The following LPL variants were observed in gnomAD, a reference collection of about 807,000 sequenced individuals.
LPL encodes phospholipase A1.
In LPL, 43 loss-of-function variants were observed where a neutral mutation model predicts 52.2. The observed-to-expected ratio is 0.82, with a 90% CI of 0.64 to 1.06. The LOEUF (loss-of-function observed/expected upper bound fraction) is 1.06. Among genes scored for constraint, LPL ranks in the 50% least tolerant of loss-of-function variants. The pLI is 0.00. For missense variants in LPL, 639 were observed against 585.3 expected, an observed-to-expected ratio of 1.09 and a Z score of -0.95; for synonymous variants, 244 against 215.6, an observed-to-expected ratio of 1.13 and a Z score of -1.15.
intron 7 of LPL, among the ~76,000 whole-genome samples, 176 bp from the exon 8 acceptor site, chr8:19,960,725 T>G (rs1019998357): frequency 6.6e-6 from 1 of 152,252 alleles, no homozygotes; most frequent in Non-Finnish European, 1.5e-5. Flanking sequence ...GGATATAATT[T>G]AAAATATACT....
In LPL at chr8:19,955,823, T is replaced by G. The variant is rs1433705302; in HGVS notation, c.776-18T>G. 6.2e-7 allele frequency: 1 copy of G among 1,613,994 alleles called. No individual in the cohort carries two copies. Among genetic ancestry groups the G allele is most frequent in the Non-Finnish European group, 8.5e-7 (1 of 1,180,016 alleles). On this transcript the variant is annotated intron_variant, in intron 5 of 9. Transcript: ENST00000650287. ...AATTTCTGCCGAGATACAATCTTGG[T>G]GTCTCTTTTTTACCCAGATGTGGAC...
chr8:19,959,460 G>C, intron 7 of LPL, 80 bp downstream of exon 7: 3 of 1,535,174 alleles, frequency 2.0e-6, no homozygotes, highest in African/African-American at 1.4e-5. Flanking sequence ...CAGAAGCAGA[G>C]AGCGATGCCT....
rs2069870772 is a variant in LPL at position 19,944,994 on chromosome 8, C to T, written c.89-3186C>T. Among the ~76,000 whole-genome samples the T allele has an allele frequency of 6.6e-6, 1 of 152,006 alleles. No individual in the cohort carries two copies. The highest frequency in any genetic ancestry group is 1.9e-4 in the East Asian group (1 of 5,176). ...TCCCCTTCCCCTTCTTCCTTCCTTC[C>T]TTCCTTCCCTCCATCCCTCCCTCCT... On this transcript the variant is annotated intron_variant, in intron 1 of 9. Transcript: ENST00000650287. This position sits in a 1 kb window ranked among gnomAD's most constrained non-coding sequence, Gnocchi z 4.2.
intron 5 of LPL, among the ~76,000 whole-genome samples, chr8:19,954,689 C>G (rs1417985853): frequency 3.3e-5 from 5 of 152,148 alleles, no homozygotes; most frequent in African/African-American, 1.2e-4. Context: ...AATGTAGCTG[C>G]AAAGCCAATG....
Position 19,954,105 on chromosome 8 carries a change from T to C in LPL, c.542-15T>C. 2.5e-6 allele frequency: 4 copies of C among 1,593,954 alleles called. No individual in the cohort carries two copies. Among genetic ancestry groups the C allele is most frequent in the Non-Finnish European group, 3.4e-6 (4 of 1,161,542 alleles). ...AAATTTACAAATCTGTGTTCCTGCTTTTTTCCCTTTTAAGGCCTCGATCCA... is the reference window on the plus strand; with the variant it reads ...AAATTTACAAATCTGTGTTCCTGCTCTTTTCCCTTTTAAGGCCTCGATCCA... On this transcript the variant is annotated splice_polypyrimidine_tract_variant and intron_variant, in intron 4 of 9. Coordinates refer to ENST00000650287, the MANE Select transcript of LPL (RefSeq NM_000237.3).
rs751202057 is a variant in LPL at position 19,959,254 on chromosome 8, C to T, written c.1019-6C>T. On this transcript the variant is annotated splice_polypyrimidine_tract_variant and splice_region_variant and intron_variant, in intron 6 of 9. Transcript: ENST00000650287. ...GATCAACATGTTCGAATTTCCTCCC[C>T]AACAGTCTTCCATTACCAAGTAAAG... 5 of 1,613,982 alleles carry T rather than the reference C, an allele frequency of 3.1e-6. No homozygotes were observed. Among genetic ancestry groups the T allele is most frequent in the African/African-American group, 2.7e-5 (2 of 74,910 alleles).
intron 1 of LPL, among the ~76,000 whole-genome samples, chr8:19,946,372 T>C (rs1015009349): frequency 3.9e-5 from 6 of 152,096 alleles, no homozygotes; most frequent in Admixed American, 1.3e-4. Context: ...GATCAACTCA[T>C]TGCATATTTC....
rs1475771980 is a variant in LPL at position 19,950,920 on chromosome 8, A to G, written c.250-849A>G. On this transcript the variant is annotated intron_variant, in intron 2 of 9. Transcript: ENST00000650287. The surrounding 1 kb of genome is among the most constrained non-coding windows in gnomAD (Gnocchi z 4.2). The stretch of plus-strand genomic sequence containing the variant: ...AATGAAGGAAGGAAGGAAGGAATGA[A>G]GGAAGGAAGGAAGGGAGGGAGGAAG... Among the ~76,000 whole-genome samples the G allele has an allele frequency of 7.2e-6, 1 of 139,776 alleles. No individual in the cohort carries two copies. The highest frequency in any genetic ancestry group is 7.1e-5 in the Admixed American group (1 of 14,106). 91.7% of individuals were successfully genotyped at this position (139,776 alleles called of 152,430 possible). A position where few individuals can be genotyped will look rare whatever the true frequency, so the allele number is the denominator to read the frequency against.
intron 8 of LPL, 86 bp from the exon 9 acceptor site, chr8:19,962,029 T>A (rs1019470596): frequency 1.1e-6 from 1 of 902,858 alleles, no homozygotes; most frequent in Non-Finnish European, 1.9e-6. Flanking sequence ...CATGTATTAT[T>A]TAAACAGTCC....
chr8:19,939,669 A>C lies in LPL; in HGVS notation c.88+141A>C. 1 of 852,794 alleles carries C rather than the reference A, an allele frequency of 1.2e-6. No individual in the cohort carries two copies. The highest frequency in any genetic ancestry group is 1.7e-5 in the South Asian group (1 of 60,566). The allele number at this position is 852,794 out of a possible 1,614,324, so 52.8% of individuals were successfully genotyped here. ...CTCCCAGCCTGGGCTCTAGCCCCGAAACGGTCCCCGGAGTGGGATCCAGGA... is the reference window on the plus strand; with the variant it reads ...CTCCCAGCCTGGGCTCTAGCCCCGACACGGTCCCCGGAGTGGGATCCAGGA... On this transcript the variant is annotated intron_variant, in intron 1 of 9. Coordinates refer to ENST00000650287, the MANE Select transcript of LPL (RefSeq NM_000237.3). This position sits in a 1 kb window ranked among gnomAD's most constrained non-coding sequence, Gnocchi z 4.0.
chr8:19,947,841 G>C (rs187972748), intron 1 of LPL, among the ~76,000 whole-genome samples: 1 of 152,206 alleles, frequency 6.6e-6, no homozygotes, highest in Non-Finnish European at 1.5e-5. Flanking sequence ...CTTGAGAGAA[G>C]ACAGAATTAA....
At chr8:19,942,077 GTGAT>G (rs2069845984) in intron 1 of LPL, among the ~76,000 whole-genome samples, 1 of 152,118 alleles carries the variant, frequency 6.6e-6, no homozygotes, top group African/African-American at 2.4e-5. Flanking sequence ...CAGCGAGGGA[GTGAT>G]TGATTAATAG....
chr8:19,955,333 C>T (rs2069974546), intron 5 of LPL, among the ~76,000 whole-genome samples: 1 of 152,158 alleles, frequency 6.6e-6, no homozygotes, highest in African/African-American at 2.4e-5. Flanking sequence ...TACAATTGGG[C>T]TGTAACACCA....
At chr8:19,940,064 C>T (rs903546452) in intron 1 of LPL, among the ~76,000 whole-genome samples, 3 of 152,178 alleles carry the variant, frequency 2.0e-5, no homozygotes, top group East Asian at 1.9e-4. Context: ...CTCAGCCGCA[C>T]GGGGTACGCT....
At chr8:19,962,250 A>G in intron 9 of LPL, 31 bp downstream of exon 9, 1 of 1,562,456 alleles carries the variant, frequency 6.4e-7, no homozygotes. Flanking sequence ...CTGACTGGGC[A>G]TCCTGAGCTT....
At chr8:19,962,275 G>A (rs1167072758) in intron 9 of LPL, 56 bp downstream of exon 9, 2 of 1,267,268 alleles carry the variant, frequency 1.6e-6, no homozygotes, top group African/African-American at 1.5e-5. Flanking sequence ...CCTAAGGGAG[G>A]CAGCTTCATG....
intron 6 of LPL, among the ~76,000 whole-genome samples, chr8:19,957,637 GT>G (rs1169434566): frequency 6.6e-6 from 1 of 152,146 alleles, no homozygotes; most frequent in African/African-American, 2.4e-5. Flanking sequence ...GCCTGCAAGG[GT>G]TTTGCTTAAT....
Position 19,939,626 on chromosome 8 carries a change from T to G in LPL, c.88+98T>G, listed in dbSNP as rs2128835174. ...AGAAGAAGGAAGTTGGAAGGGGCGG[T>G]GGATGCGCCCAGGGACTCTCCCAGC... On this transcript the variant is annotated intron_variant, in intron 1 of 9. Coordinates refer to ENST00000650287, the MANE Select transcript of LPL (RefSeq NM_000237.3). The surrounding 1 kb of genome is among the most constrained non-coding windows in gnomAD (Gnocchi z 4.0). The G allele has an allele frequency of 1.6e-6, 2 of 1,256,300 alleles. No homozygotes were observed. Among genetic ancestry groups the G allele is most frequent in the South Asian group, 2.6e-5 (2 of 76,478 alleles). The allele number at this position is 1,256,300 out of a possible 1,614,324, so 77.8% of individuals were successfully genotyped here. A position where few individuals can be genotyped will look rare whatever the true frequency, so the allele number is the denominator to read the frequency against.
At chr8:19,956,164 T>C in intron 6 of LPL, 81 bp downstream of exon 6, 1 of 1,588,438 alleles carries the variant, frequency 6.3e-7, no homozygotes, top group Non-Finnish European at 8.6e-7. Context: ...ACTGATTCTG[T>C]CCATTGGAAC....
Sources: gnomAD v4.1 joint callset for allele counts (sites outside exome capture counted in the v4.1 genomes callset) on GRCh38, gnomAD v4.1.1 for gene constraint, Gnocchi (gnomAD v3.1) non-coding constraint, MANE v1.5 for transcripts, NCBI Gene and HGNC (gene_info 2026-07-23, HGNC 2026-07-21) for gene names.